DIAPH2: variants seen among roughly 807,000 people sequenced by gnomAD.
DIAPH2 encodes the protein diaphanous related formin 2.
DIAPH2 carries 35 observed loss-of-function variants against 92.7 expected under a neutral mutation model. The observed-to-expected ratio is 0.38, with a 90% CI of 0.29 to 0.50. The LOEUF (loss-of-function observed/expected upper bound fraction) is 0.50. Among genes scored for constraint, DIAPH2 ranks in the 20% least tolerant of loss-of-function variants. The probability of loss-of-function intolerance (pLI) is 0.94; values close to 1 mark genes in which losing one functional copy is unlikely to be tolerated. For synonymous variants in DIAPH2, 301 were observed against 280.4 expected (o/e 1.07, Z -0.73); for missense variants, 701 against 819.5 (o/e 0.86, Z 1.77).
intron 4 of DIAPH2, among the ~76,000 whole-genome samples, chrX:96,837,539 CA>C (rs917002595): frequency 4.7e-5 from 5 of 107,314 alleles, no homozygotes; most frequent in African/African-American, 1.7e-4. Flanking sequence ...TTTGTTTGAT[CA>C]AAAAAAGCAA....
chrX:97,002,214 A>G (rs773183723), intron 17 of DIAPH2, among the ~76,000 whole-genome samples: 70 of 110,958 alleles, frequency 6.3e-4, no homozygotes, highest in Non-Finnish European at 1.1e-3. Context: ...GTTTTTATAT[A>G]GCTAAGCTTG....
At chrX:96,954,595 A>G (rs2065798060) in intron 15 of DIAPH2, among the ~76,000 whole-genome samples, 1 of 112,133 alleles carries the variant, frequency 8.9e-6, no homozygotes, top group Non-Finnish European at 1.9e-5. Context: ...GGATGGTATT[A>G]GATGTAAGAA....
chrX:96,702,519 A>C (rs2063861360), intron 1 of DIAPH2, among the ~76,000 whole-genome samples: 1 of 112,363 alleles, frequency 8.9e-6, no homozygotes, highest in Non-Finnish European at 1.9e-5. Flanking sequence ...TGTTAATTCC[A>C]AATGAAGTAT....
At chrX:97,566,306 A>G (rs1169249308) in intron 26 of DIAPH2, among the ~76,000 whole-genome samples, 1 of 112,051 alleles carries the variant, frequency 8.9e-6, no homozygotes, top group Non-Finnish European at 1.9e-5. Context: ...TGAAATATTT[A>G]TCCAATTATA....
chrX:97,436,005 C>T (rs750790086), intron 26 of DIAPH2, among the ~76,000 whole-genome samples: 3 of 110,283 alleles, frequency 2.7e-5, no homozygotes, highest in African/African-American at 9.9e-5. Context: ...CGGGGTTTCA[C>T]CGTGTTAGCC....
chrX:97,451,340 C>T (rs1217833706), intron 26 of DIAPH2, among the ~76,000 whole-genome samples: 1 of 111,069 alleles, frequency 9.0e-6, no homozygotes, highest in Non-Finnish European at 1.9e-5. Context: ...CATTACCTGC[C>T]GCATCTCCAA....
At chrX:96,873,112 C>A (rs1026669130) in intron 4 of DIAPH2, among the ~76,000 whole-genome samples, 4 of 111,475 alleles carry the variant, frequency 3.6e-5, no homozygotes, top group African/African-American at 9.8e-5. Flanking sequence ...TGGATGGATA[C>A]AAGCCATTTT....
chrX:96,747,198 G>C (rs1470923777), intron 3 of DIAPH2, among the ~76,000 whole-genome samples: 1 of 111,472 alleles, frequency 9.0e-6, no homozygotes, highest in Non-Finnish European at 1.9e-5. Context: ...GATTAAAAAA[G>C]TAAACCCATA....
intron 22 of DIAPH2, among the ~76,000 whole-genome samples, chrX:97,187,301 T>TTTTTTTTTTTTTTTTTTTTTC (rs2067614916): frequency 1.2e-5 from 1 of 84,204 alleles, no homozygotes; most frequent in Non-Finnish European, 2.2e-5. Flanking sequence ...TTTTTTTTTT[T>TTTTTTTTTTTTTTTTTTTTTC]TTTGCAACTG....
chrX:96,812,056 CCT>C (rs1491104977), intron 4 of DIAPH2, among the ~76,000 whole-genome samples: 1 of 111,632 alleles, frequency 9.0e-6, no homozygotes, highest in East Asian at 2.8e-4. Context: ...GGGAGGATTC[CCT>C]CTGTTTCTAT....
At chrX:96,991,973 C>T (rs1191153561) in intron 17 of DIAPH2, among the ~76,000 whole-genome samples, 3 of 110,508 alleles carry the variant, frequency 2.7e-5, no homozygotes, top group Middle Eastern at 4.6e-3. Flanking sequence ...TAATCAAAAT[C>T]TTGATCTCTA....
intron 4 of DIAPH2, among the ~76,000 whole-genome samples, chrX:96,806,772 G>C (rs1313229232): frequency 5.5e-4 from 54 of 98,039 alleles, no homozygotes; most frequent in Non-Finnish European, 5.4e-4. Flanking sequence ...ACGGAGTCTC[G>C]CTCGGTCATC....
chrX:97,172,987 G>A (rs927769025), intron 22 of DIAPH2, among the ~76,000 whole-genome samples: 1 of 112,136 alleles, frequency 8.9e-6, no homozygotes, highest in Non-Finnish European at 1.9e-5. Flanking sequence ...ATAATTTAAG[G>A]TTCAGTTAAG....
At chrX:97,146,031 T>TTTC in intron 22 of DIAPH2, among the ~76,000 whole-genome samples, 1 of 101,384 alleles carries the variant, frequency 9.9e-6, no homozygotes, top group Non-Finnish European at 2.0e-5. Context: ...TTTTTTTTTT[T>TTTC]TTACTAAAGC....
intron 21 of DIAPH2, among the ~76,000 whole-genome samples, chrX:97,115,723 A>G (rs1259434365): frequency 8.9e-6 from 1 of 111,869 alleles, no homozygotes; most frequent in Non-Finnish European, 1.9e-5. Flanking sequence ...AGTGTTGTAC[A>G]CTGGTATCTG....
At chrX:97,014,695 C>T (rs1013323974) in intron 17 of DIAPH2, among the ~76,000 whole-genome samples, 1 of 111,890 alleles carries the variant, frequency 8.9e-6, no homozygotes, top group Non-Finnish European at 1.9e-5. Context: ...GCAATGAAAA[C>T]GCGTCAGTGT....
At chrX:97,158,435 G>A (rs919002097) in intron 22 of DIAPH2, among the ~76,000 whole-genome samples, 1 of 111,821 alleles carries the variant, frequency 8.9e-6, no homozygotes, top group Non-Finnish European at 1.9e-5. Flanking sequence ...CCTCGGCAGT[G>A]TTCTCTTCAA....
intron 17 of DIAPH2, among the ~76,000 whole-genome samples, chrX:97,006,183 G>A (rs1226202700): frequency 9.0e-6 from 1 of 110,971 alleles, no homozygotes; most frequent in Non-Finnish European, 1.9e-5. Context: ...TTTTTTTAAC[G>A]TTTTAAGACG....
rs761487877 is a variant in DIAPH2, at chrX:97,194,531, A to G, written c.2719+52737A>G. On this transcript the variant is annotated intron_variant, in intron 22 of 26. Transcript: ENST00000324765. ...GATCTCCCGACCTCGTGATCCGCCCACCTTGGCCTCCCAAAGTGCTGGGAT... is the reference window on the plus strand; with the variant it reads ...GATCTCCCGACCTCGTGATCCGCCCGCCTTGGCCTCCCAAAGTGCTGGGAT... 4.2e-4 allele frequency among the ~76,000 whole-genome samples: 47 copies of G among 110,592 alleles called. No individual in the cohort carries two copies. In the South Asian group the frequency reaches 6.2e-3, roughly 15 times the overall value.
Sources: gnomAD v4.1 joint callset for allele counts (sites outside exome capture counted in the v4.1 genomes callset) on GRCh38, gnomAD v4.1.1 for gene constraint, MANE v1.5 for transcripts, NCBI Gene and HGNC (gene_info 2026-07-23, HGNC 2026-07-21) for gene names.